Variants in CAPS2 observed in about 807,000 individuals in gnomAD.
CAPS2 encodes the protein calcyphosin-2.
Under a neutral mutation model 86.5 loss-of-function variants are expected in CAPS2, and 98 were observed. The ratio of observed to expected loss-of-function variants is 1.13; its 90% CI spans 0.96 to 1.34. The LOEUF (loss-of-function observed/expected upper bound fraction) is 1.34, where lower values mean the gene tolerates loss of function less well. Ranked by LOEUF, CAPS2 falls within the 40% of genes most tolerant of loss-of-function variation. The pLI, the probability that CAPS2 is intolerant of heterozygous loss-of-function variation, is 0.00. For missense variants in CAPS2, 729 were observed against 686.8 expected (o/e 1.06, Z -0.69); for synonymous variants, 210 against 225.1 (o/e 0.93, Z 0.60).
At chr12:75,278,037 C>G in exon 17 of CAPS2, 1 of 893,052 alleles carries the variant, frequency 1.1e-6, no homozygotes, top group Non-Finnish European at 1.3e-6. Flanking sequence ...TGAACTATTC[C>G]TTGGATTCAT....
chr12:75,321,551 A>C, exon 5 of CAPS2: 21 of 1,547,862 alleles, frequency 1.4e-5, no homozygotes, highest in Non-Finnish European at 1.8e-5. Flanking sequence ...TGGTGCTGGC[A>C]AATTTTCAGG....
In CAPS2 at chr12:75,349,368, CA is replaced by C. The variant is rs2042657088; in HGVS notation, c.-394-26147del. Among the ~76,000 whole-genome samples, 4 of 152,186 alleles carry C rather than the reference CA, an allele frequency of 2.6e-5. No homozygotes were observed. The South Asian group carries it at 8.3e-4, about 32-fold the overall frequency. On this transcript the variant is annotated intron_variant, in intron 1 of 5. Coordinates refer to the CAPS2 transcript ENST00000551829. ...TAAGAAAAGAACAACATAACTTTAA[CA>C]ACAACAACAGCAAAAAAACTCAAGG... is the stretch of plus-strand genomic sequence containing the variant.
chr12:75,369,144 A>G (rs1434994724), intron 1 of CAPS2, among the ~76,000 whole-genome samples: 2 of 152,000 alleles, frequency 1.3e-5, no homozygotes, highest in African/African-American at 4.8e-5. Context: ...TCAAGAGGTG[A>G]TTAAGCGTAT....
At chr12:75,337,122 CG>C (rs1393267213) in intron 1 of CAPS2, among the ~76,000 whole-genome samples, 1 of 151,508 alleles carries the variant, frequency 6.6e-6, no homozygotes, top group Non-Finnish European at 1.5e-5. Flanking sequence ...TGGAAGCATA[CG>C]TATAGATTTA....
At chr12:75,359,570 G>A (rs1200106942) in intron 1 of CAPS2, among the ~76,000 whole-genome samples, 8 of 151,438 alleles carry the variant, frequency 5.3e-5, no homozygotes, top group African/African-American at 1.9e-4. Flanking sequence ...TAATAATATG[G>A]TTTTCAAAAG....
rs1472016562 is a variant in CAPS2, at chr12:75,279,038, G to C, written c.1640C>G (p.Ser547Ter). 4 of 1,600,604 alleles carry C rather than the reference G, an allele frequency of 2.5e-6. No homozygotes were observed. The East Asian group carries it at 6.7e-5, about 27-fold the overall frequency. ...AACTTTTAATGTTTCTAGAAAGGAT[G>C]ATTTGATTTCTTCCTCTGTTGAATG... is the stretch of plus-strand genomic sequence containing the variant. The change falls in exon 17 of 17, where the codon TCA becomes TGA. Residue 547 changes from serine (S) to a stop codon, truncating the protein, a stop_gained. Coordinates refer to ENST00000393284, the Ensembl canonical transcript of CAPS2. LOFTEE classifies it high-confidence loss of function.
intron 1 of CAPS2, among the ~76,000 whole-genome samples, chr12:75,362,311 C>T (rs965645957): frequency 6.6e-6 from 1 of 152,100 alleles, no homozygotes; most frequent in South Asian, 2.1e-4. Context: ...ACAATAAATA[C>T]CACTACACCA....
At chr12:75,359,831 T>C (rs904188506) in intron 1 of CAPS2, 1 of 152,146 alleles carries the variant, frequency 6.6e-6, no homozygotes, top group African/African-American at 2.4e-5. Context: ...AAATGGATCG[T>C]TGATGTATTT....
upstream of CAPS2, among the ~76,000 whole-genome samples, chr12:75,326,907 A>G (rs74108715): frequency 4.5e-3 from 683 of 152,302 alleles, 6 homozygotes; most frequent in African/African-American, 0.016. Flanking sequence ...GAGAAGATGT[A>G]AGGATGGAAG....
At chr12:75,384,902 G>C (rs1038258456) in intron 1 of CAPS2, among the ~76,000 whole-genome samples, 1 of 152,204 alleles carries the variant, frequency 6.6e-6, no homozygotes, top group Admixed American at 6.5e-5. Context: ...AGTATTGAAA[G>C]GTGGGGCTTT....
At chr12:75,278,105 T>TA (rs1366972526) in exon 17 of CAPS2, 4 of 908,270 alleles carry the variant, frequency 4.4e-6, no homozygotes, top group Non-Finnish European at 1.3e-6. Flanking sequence ...TTGATTTTAA[T>TA]AAAGAACATT....
At chr12:75,298,930 G>T in exon 10 of CAPS2, 1 of 1,608,836 alleles carries the variant, frequency 6.2e-7, no homozygotes, top group Non-Finnish European at 8.5e-7. Context: ...GAGTGAAAAA[G>T]AACCCAATGA....
chr12:75,364,932 C>A (rs1405432484), intron 1 of CAPS2: 1 of 152,056 alleles, frequency 6.6e-6, no homozygotes, highest in Non-Finnish European at 1.5e-5. Flanking sequence ...CAGGAATCAG[C>A]AAATTATTTA....
exon 10 of CAPS2, chr12:75,298,892 T>C: frequency 1.2e-6 from 2 of 1,611,440 alleles, no homozygotes; most frequent in Non-Finnish European, 1.7e-6. Context: ...AAATTGTCGA[T>C]ATTCATAAAT....
chr12:75,386,249 T>C (rs1190030723), intron 1 of CAPS2, among the ~76,000 whole-genome samples: 1 of 152,182 alleles, frequency 6.6e-6, no homozygotes, highest in Non-Finnish European at 1.5e-5. Context: ...CTACGTGACA[T>C]TAAGACTTAC....
intron 11 of CAPS2, among the ~76,000 whole-genome samples, chr12:75,294,604 T>C (rs2036564862): frequency 6.6e-6 from 1 of 152,142 alleles, no homozygotes. Flanking sequence ...AAGTTTGTTT[T>C]TTCCCCCTCC....
intron 7 of CAPS2, among the ~76,000 whole-genome samples, chr12:75,307,725 TAGAC>T (rs1434834121): frequency 6.6e-6 from 1 of 151,998 alleles, no homozygotes; most frequent in Non-Finnish European, 1.5e-5. Context: ...AGTAAATAAA[TAGAC>T]AAAGTAGAAA....
chr12:75,363,280 A>G (rs1474624421), intron 1 of CAPS2: 2 of 508,616 alleles, frequency 3.9e-6, no homozygotes, highest in Non-Finnish European at 6.6e-6. Flanking sequence ...TCAAGTTTAC[A>G]AACTATGGAC....
chr12:75,390,230 T>C (rs2045510615), intron 1 of CAPS2: 1 of 414,942 alleles, frequency 2.4e-6, no homozygotes, highest in African/African-American at 2.1e-5. Context: ...TTGAGGAAAA[T>C]GTTTGGAGGT....
Sources: gnomAD v4.1 joint callset for allele counts (sites outside exome capture counted in the v4.1 genomes callset) on GRCh38, gnomAD v4.1.1 for gene constraint, MANE v1.5 for transcripts, NCBI Gene and HGNC (gene_info 2026-07-23, HGNC 2026-07-21) for gene names.